The following CNTNAP5 variants were observed in gnomAD, a reference collection of about 807,000 sequenced individuals.
The protein encoded by CNTNAP5 is contactin associated protein family member 5, also known as contactin-associated protein-like 5.
A neutral mutation model predicts 150.2 loss-of-function variants in CNTNAP5; 72 were observed. The ratio of observed to expected loss-of-function variants is 0.48; its 90% CI spans 0.40 to 0.58. CNTNAP5 has a LOEUF of 0.58. CNTNAP5 is among the 20% of genes least tolerant of loss of function. The pLI, the probability that CNTNAP5 is intolerant of heterozygous loss-of-function variation, is 0.00. For synonymous variants in CNTNAP5, 672 were observed against 619.8 expected (o/e 1.08, Z -1.25); for missense variants, 1,636 against 1,626.2 (o/e 1.01, Z -0.10).
intron 12 of CNTNAP5, among the ~76,000 whole-genome samples, chr2:124,624,923 G>T (rs1165971480): frequency 6.6e-6 from 1 of 152,158 alleles, no homozygotes; most frequent in East Asian, 1.9e-4. Context: ...GATGTTATTT[G>T]ATTTTCTTAG....
chr2:124,469,651 A>G (rs1257913874), intron 6 of CNTNAP5, among the ~76,000 whole-genome samples: 1 of 151,992 alleles, frequency 6.6e-6, no homozygotes, highest in Non-Finnish European at 1.5e-5. Context: ...TGTCATAGTG[A>G]TTAGCTGCAC....
At chr2:124,419,152 A>AAAAAAAAAAAACAAAAAAC (rs58348022) in intron 4 of CNTNAP5, among the ~76,000 whole-genome samples, 6 of 121,022 alleles carry the variant, frequency 5.0e-5, no homozygotes, top group Non-Finnish European at 5.5e-5. Flanking sequence ...AAAAAAAAAA[A>AAAAAAAAAAAACAAAAAAC]AAAAAAAAAA....
intron 11 of CNTNAP5, among the ~76,000 whole-genome samples, chr2:124,592,688 A>T (rs1010406220): frequency 6.6e-6 from 1 of 151,946 alleles, no homozygotes; most frequent in Non-Finnish European, 1.5e-5. Flanking sequence ...TCTCATTTTC[A>T]TTAGCACTTA....
intron 1 of CNTNAP5, among the ~76,000 whole-genome samples, chr2:124,170,830 TAGAC>T (rs780938337): frequency 4.0e-5 from 6 of 151,292 alleles, no homozygotes; most frequent in Admixed American, 1.3e-4. Context: ...GAAGAACAAA[TAGAC>T]AGAGGGAGTG....
chr2:124,176,842 G>GTTTTTTTTTTTTTT (rs71394026), intron 1 of CNTNAP5, among the ~76,000 whole-genome samples: 19 of 119,886 alleles, frequency 1.6e-4, no homozygotes, highest in African/African-American at 2.3e-4. Context: ...GTTATTGCTG[G>GTTTTTTTTTTTTTT]TTTTTTTTTT....
intron 1 of CNTNAP5, among the ~76,000 whole-genome samples, chr2:124,205,324 G>T (rs1226040352): frequency 6.6e-6 from 1 of 152,050 alleles, no homozygotes; most frequent in Non-Finnish European, 1.5e-5. Context: ...AAGTGAAGAA[G>T]GACATGTTTG....
intron 13 of CNTNAP5, among the ~76,000 whole-genome samples, chr2:124,726,275 G>T (rs878870926): frequency 6.6e-6 from 1 of 152,084 alleles, no homozygotes; most frequent in Non-Finnish European, 1.5e-5. Context: ...TGTAATCCCC[G>T]TGTGTCAAGA....
chr2:124,806,472 G>A (rs769539912), intron 19 of CNTNAP5, among the ~76,000 whole-genome samples: 33 of 152,142 alleles, frequency 2.2e-4, no homozygotes, highest in Non-Finnish European at 4.3e-4. Flanking sequence ...TGGGAGGCAG[G>A]GTTGCTTGGG....
intron 12 of CNTNAP5, among the ~76,000 whole-genome samples, chr2:124,632,345 C>A (rs1184376892): frequency 6.6e-6 from 1 of 152,130 alleles, no homozygotes; most frequent in Non-Finnish European, 1.5e-5. Flanking sequence ...AAATGTGGTA[C>A]ATAAACAGCA....
At chr2:124,276,538 G>C (rs998352017) in intron 3 of CNTNAP5, among the ~76,000 whole-genome samples, 7 of 152,110 alleles carry the variant, frequency 4.6e-5, no homozygotes, top group South Asian at 2.1e-4. Flanking sequence ...ATGTTTGGAT[G>C]ATGAGCCCAA....
chr2:124,246,832 G>A (rs762569398), intron 3 of CNTNAP5, among the ~76,000 whole-genome samples: 44 of 152,098 alleles, frequency 2.9e-4, no homozygotes, highest in Middle Eastern at 3.4e-3. Flanking sequence ...ATCATCTCCT[G>A]TGAATATTCT....
Position 124,901,476 on chromosome 2 carries a change from C to T in CNTNAP5, c.3437-1406C>T, listed in dbSNP as rs564730335. 3.3e-5 allele frequency among the ~76,000 whole-genome samples: 5 copies of T among 152,180 alleles called. No homozygotes were observed. The East Asian group carries it at 9.7e-4, about 29-fold the overall frequency. ...GCACAGAGAAATGTAACATTGCTTG[C>T]CTTGAAATAGAGAAGGAGTCTACAG... On this transcript the variant is annotated intron_variant, in intron 21 of 23. Coordinates refer to ENST00000682447, the MANE Select transcript of CNTNAP5 (RefSeq NM_001367498.1).
chr2:124,394,320 T>C lies in CNTNAP5; in HGVS notation c.382-23123T>C, dbSNP rs1183059545. Among the ~76,000 whole-genome samples the C allele has an allele frequency of 2.1e-5, 3 of 145,644 alleles. No homozygotes were observed. The Admixed American group carries it at 2.1e-4, about 10-fold the overall frequency. Reference sequence around the variant, plus strand: ...CCAGGAAGCAGAACTTTCAGATAGCTGAGATGGTGCCACTGCACTCCAGCC... The same window carrying C: ...CCAGGAAGCAGAACTTTCAGATAGCCGAGATGGTGCCACTGCACTCCAGCC... On this transcript the variant is annotated intron_variant, in intron 3 of 23. Coordinates refer to ENST00000682447, the MANE Select transcript of CNTNAP5 (RefSeq NM_001367498.1).
intron 4 of CNTNAP5, among the ~76,000 whole-genome samples, chr2:124,422,485 A>G (rs1448388179): frequency 6.6e-6 from 1 of 152,180 alleles, no homozygotes; most frequent in Non-Finnish European, 1.5e-5. Flanking sequence ...TTGTGATTAC[A>G]TGTCATCAGT....
In CNTNAP5 at chr2:124,524,438, G is replaced by T; in HGVS notation, c.1463G>T (p.Ser488Ile). The T allele has an allele frequency of 3.1e-6, 5 of 1,611,994 alleles. No individual in the cohort carries two copies. The highest frequency in any genetic ancestry group is 4.2e-6 in the Non-Finnish European group (5 of 1,178,862). The change falls in exon 9 of 24, where the codon AGC (serine) becomes ATC (isoleucine). Residue 488 changes from serine (S) to isoleucine (I), a missense_variant. Physicochemically the swap from Ser to Ile is moderately radical, Grantham distance 142. Coordinates refer to ENST00000682447, the MANE Select transcript of CNTNAP5 (RefSeq NM_001367498.1). ...TGGGTGCAGATTTATTCTGGAAATA[G>T]CTACTATTTTGGAGGTAAATTCTCC... ...STWVQIYSGN[S>I]YYFGGCPDNL...
chr2:124,841,710 C>A (rs899184121), intron 19 of CNTNAP5, among the ~76,000 whole-genome samples: 2 of 152,070 alleles, frequency 1.3e-5, no homozygotes, highest in African/African-American at 2.4e-5. Flanking sequence ...GTGTCCACAC[C>A]GTTGTCCCTG....
chr2:124,380,303 G>A (rs1690756144), intron 3 of CNTNAP5, among the ~76,000 whole-genome samples: 1 of 152,102 alleles, frequency 6.6e-6, no homozygotes, highest in South Asian at 2.1e-4. Context: ...AAAATTGCCA[G>A]AGCTGGTACA....
intron 19 of CNTNAP5, among the ~76,000 whole-genome samples, chr2:124,855,256 C>A (rs1677344018): frequency 7.2e-6 from 1 of 139,474 alleles, no homozygotes; most frequent in Non-Finnish European, 1.5e-5. Flanking sequence ...TGGCTCACTG[C>A]AACCTCCACC....
intron 1 of CNTNAP5, among the ~76,000 whole-genome samples, chr2:124,104,006 T>C (rs1181571773): frequency 3.4e-5 from 5 of 147,834 alleles, no homozygotes; most frequent in African/African-American, 2.5e-5. Context: ...ATGAATTATA[T>C]ATTTATATAT....
Sources: allele counts gnomAD v4.1 joint callset (sites outside exome capture counted in the v4.1 genomes callset), GRCh38; gene constraint gnomAD v4.1.1; transcripts MANE v1.5; gene names NCBI Gene and HGNC (gene_info 2026-07-23, HGNC 2026-07-21).